Variants in TGM2 observed in about 807,000 individuals in gnomAD.
The protein encoded by TGM2 is protein-glutamine gamma-glutamyltransferase 2.
A neutral mutation model predicts 75.6 loss-of-function variants in TGM2; 53 were observed. The ratio of observed to expected loss-of-function variants is 0.70; its 90% confidence interval spans 0.56 to 0.88. The LOEUF is 0.88. Among genes scored for constraint, TGM2 ranks in the 40% least tolerant of loss-of-function variants. The pLI is 0.00. For synonymous variants in TGM2, 374 were observed against 381.1 expected, an observed-to-expected ratio of 0.98 and a Z score of 0.22; for missense variants, 842 against 928.5, an observed-to-expected ratio of 0.91 and a Z score of 1.21.
chr20:38,154,753 C>G (rs1397061884), intron 3 of TGM2, among the ~76,000 whole-genome samples: 1 of 152,084 alleles, frequency 6.6e-6, no homozygotes, highest in Non-Finnish European at 1.5e-5. Flanking sequence ...CAGCCCTCCC[C>G]CCAACCTCAC....
At chr20:38,167,098 G>C (rs1306428737), upstream of TGM2, among the ~76,000 whole-genome samples, 1 of 152,284 alleles carries the variant, frequency 6.6e-6, no homozygotes, top group East Asian at 1.9e-4. Context: ...TACGTGGTGA[G>C]CATGCAATAA....
intron 3 of TGM2, among the ~76,000 whole-genome samples, chr20:38,152,609 G>A (rs1407976378): frequency 1.3e-5 from 2 of 152,312 alleles, no homozygotes; most frequent in African/African-American, 4.8e-5. Flanking sequence ...CACTGGGGAC[G>A]TGAAGCCTTG....
intron 1 of TGM2, 95 bp downstream of exon 1, chr20:38,165,094 T>C: frequency 6.3e-7 from 1 of 1,593,984 alleles, no homozygotes; most frequent in East Asian, 2.2e-5. Flanking sequence ...CCTGTTGCTC[T>C]CCAAATCAGG....
Position 38,130,361 on chromosome 20 carries a change from G to T in TGM2, c.1922C>A (p.Pro641His), listed in dbSNP as rs776355908. ...EEQKTVEIPDPVEAGEEVKVR... is the reference protein window; with the variant it reads ...EEQKTVEIPDHVEAGEEVKVR... The stretch of plus-strand genomic sequence containing the variant: ...CTTAACTTCCTCCCCTGCCTCCACG[G>T]GGTCTGGGCTGCAGGGAGAGAGGGG... Residue 641 changes from proline (P) to histidine (H), a missense_variant, in exon 13 of 13, where the codon CCC (proline) becomes CAC (histidine). Pro to His is a moderately conservative substitution (Grantham distance 77, BLOSUM62 -2). Coordinates refer to ENST00000361475, the MANE Select transcript of TGM2 (RefSeq NM_004613.4). 2 of 1,592,112 alleles carry T rather than the reference G, an allele frequency of 1.3e-6. No individual in the cohort carries two copies. The highest frequency in any genetic ancestry group is 1.7e-6 in the Non-Finnish European group (2 of 1,169,778).
chr20:38,137,034 C>T (rs764567638), intron 10 of TGM2, among the ~76,000 whole-genome samples: 9 of 152,156 alleles, frequency 5.9e-5, no homozygotes, highest in Non-Finnish European at 1.0e-4. Flanking sequence ...GGCAACTAGG[C>T]TGGTGCTGGG....
At chr20:38,151,401 A>G (rs900760423) in intron 3 of TGM2, among the ~76,000 whole-genome samples, 1 of 152,198 alleles carries the variant, frequency 6.6e-6, no homozygotes. Flanking sequence ...AGGCTCAGGA[A>G]TATTTTATAG....
At chr20:38,159,161 GC>G (rs1382770544) in intron 2 of TGM2, among the ~76,000 whole-genome samples, 1 of 152,156 alleles carries the variant, frequency 6.6e-6, no homozygotes, top group Non-Finnish European at 1.5e-5. Flanking sequence ...ACACTACGCT[GC>G]CCAGACAATT....
chr20:38,165,923 C>T (rs1383564900), upstream of TGM2, among the ~76,000 whole-genome samples: 2 of 152,088 alleles, frequency 1.3e-5, no homozygotes, highest in African/African-American at 4.8e-5. Flanking sequence ...GTAGCCTTGA[C>T]CGCGAGCCAC....
chr20:38,155,107 AAAAACAAAAC>A (rs45624639), intron 3 of TGM2, among the ~76,000 whole-genome samples: 1 of 151,322 alleles, frequency 6.6e-6, no homozygotes, highest in Non-Finnish European at 1.5e-5. Context: ...ACTCCGTCTC[AAAAACAAAAC>A]AAAACAAAAC....
rs780730117 is a variant in TGM2 at position 38,138,351 on chromosome 20, C to T, written c.1377G>A (p.Ala459=). 15 of 1,613,992 alleles carry T rather than the reference C, an allele frequency of 9.3e-6. No homozygotes were observed. Among genetic ancestry groups the T allele is most frequent in the Admixed American group, 5.0e-5 (3 of 59,988 alleles). The change falls in exon 10 of 13, where the codon GCG becomes GCA. Residue 459 remains alanine (A), a synonymous_variant. Transcript: ENST00000361475. ...TCTCGGCCAGTTTGTTCAGGTGGTT[C>T]GCCCTTGTGAAGGCCTCCCTCTCCT... ...SSEEREAFTR[A]NHLNKLAEKE...
At chr20:38,146,443 C>T in intron 6 of TGM2, 2 of 537,504 alleles carry the variant, frequency 3.7e-6, no homozygotes. Context: ...AGTTAAAAAT[C>T]CTGAGTTTTT....
At chr20:38,153,805 T>C (rs1289634772) in intron 3 of TGM2, among the ~76,000 whole-genome samples, 1 of 152,042 alleles carries the variant, frequency 6.6e-6, no homozygotes, top group African/African-American at 2.4e-5. Context: ...TCTGTAGTCT[T>C]GAAGCCCTCC....
At chr20:38,142,344 A>G in intron 6 of TGM2, 145 bp from the exon 7 acceptor site, 2 of 1,311,400 alleles carry the variant, frequency 1.5e-6, no homozygotes, top group African/African-American at 2.9e-5. Flanking sequence ...TGCCGGGACA[A>G]TGGCGCCCAC....
In TGM2 at chr20:38,130,317, G is replaced by A; in HGVS notation, c.1966C>T (p.Pro656Ser). 6.2e-7 allele frequency: 1 copy of A among 1,609,440 alleles called. No homozygotes were observed. The highest frequency in any genetic ancestry group is 1.3e-5 in the African/African-American group (1 of 75,036). Residue 656 changes from proline to serine, a missense_variant, in exon 13 of 13, where the codon CCG becomes TCG. Physicochemically the swap from Pro to Ser is moderately conservative, Grantham distance 74 (BLOSUM62 -1). Transcript: ENST00000361475. ...EEVKVRMDLL[P>S]LHMGLHKLVV... is the part of the protein sequence containing the mutation. ...AGCTTGTGGAGGCCCATGTGGAGCG[G>A]CAGCAGGTCCATTCTCACCTTAACT...
At chr20:38,143,817 G>A (rs955262566) in intron 6 of TGM2, among the ~76,000 whole-genome samples, 4 of 152,226 alleles carry the variant, frequency 2.6e-5, no homozygotes, top group African/African-American at 9.7e-5. Context: ...AGTTGAGTTT[G>A]GGAGTGGGGG....
At chr20:38,130,586 G>A (rs879704428) in intron 12 of TGM2, among the ~76,000 whole-genome samples, 12 of 152,260 alleles carry the variant, frequency 7.9e-5, no homozygotes, top group Non-Finnish European at 1.6e-4. Context: ...AGCAGATGGT[G>A]CATTTAGGGG....
At chr20:38,139,906 T>G (rs2074950264) in intron 8 of TGM2, among the ~76,000 whole-genome samples, 1 of 152,194 alleles carries the variant, frequency 6.6e-6, no homozygotes, top group Admixed American at 6.5e-5. Flanking sequence ...CACTAACTTC[T>G]CGAAGCGGCA....
chr20:38,141,086 G>A (rs1281168237), intron 8 of TGM2, among the ~76,000 whole-genome samples, 196 bp downstream of exon 8: 1 of 152,070 alleles, frequency 6.6e-6, no homozygotes, highest in Non-Finnish European at 1.5e-5. Flanking sequence ...CCTGCTTTCC[G>A]CAATGCACGT....
At chr20:38,143,254 C>T (rs573068996) in intron 6 of TGM2, among the ~76,000 whole-genome samples, 10 of 152,270 alleles carry the variant, frequency 6.6e-5, no homozygotes, top group Admixed American at 2.6e-4. Context: ...GCACAGAGGT[C>T]GGGAGACCCA....
Sources: allele counts gnomAD v4.1 joint callset (sites outside exome capture counted in the v4.1 genomes callset), GRCh38; gene constraint gnomAD v4.1.1; transcripts MANE v1.5; gene names NCBI Gene and HGNC (gene_info 2026-07-23, HGNC 2026-07-21).